ARHGAP36: variants seen among roughly 807,000 people sequenced by gnomAD.
ARHGAP36 encodes the protein Rho GTPase activating protein 36.
ARHGAP36 carries 7 observed loss-of-function variants against 32.9 expected under a neutral mutation model. The observed-to-expected ratio is 0.21, with a 90% CI of 0.12 to 0.40. The LOEUF is 0.40. Among genes scored for constraint, ARHGAP36 ranks in the 10% least tolerant of loss-of-function variants. ARHGAP36 has a pLI of 1.00. For synonymous variants in ARHGAP36, 165 were observed against 168.3 expected, an observed-to-expected ratio of 0.98 and a Z score of 0.15; for missense variants, 383 against 442.2, an observed-to-expected ratio of 0.87 and a Z score of 1.20.
rs369574521 is a variant in ARHGAP36, at chrX:131,083,862, C to G, written c.448C>G (p.Arg150Gly). 84 of 1,210,870 alleles carry G rather than the reference C, an allele frequency of 6.9e-5. No individual in the cohort carries two copies. Among genetic ancestry groups the G allele is most frequent in the Admixed American group, 1.7e-4 (8 of 45,938 alleles). ...EEATGQAAGR[R>G]RGNVVRRVFG... ...AGCCACCGGTCAGGCTGCGGGCCGT[C>G]GTCGGGGAAACGTGGTGCGAAGGGT... Residue 150 changes from arginine (R) to glycine (G), a missense_variant, in exon 4 of 12, where the codon CGT becomes GGT. Arg to Gly is a moderately radical substitution (Grantham distance 125). Coordinates refer to ENST00000276211, the MANE Select transcript of ARHGAP36 (RefSeq NM_144967.4).
intron 2 of ARHGAP36, among the ~76,000 whole-genome samples, chrX:131,082,379 G>T (rs1043462621): frequency 8.9e-6 from 1 of 112,837 alleles, no homozygotes; most frequent in African/African-American, 3.2e-5. Context: ...GGCGGTGAAC[G>T]GGAGGGCGGT....
chrX:131,078,697 C>T (rs1346157444), intron 1 of ARHGAP36: 1 of 926,873 alleles, frequency 1.1e-6, no homozygotes, highest in Admixed American at 3.2e-5. Flanking sequence ...GGACATTGGT[C>T]TTCCTAAATC....
At chrX:131,063,588 G>A (rs1603392330) in intron 1 of ARHGAP36, among the ~76,000 whole-genome samples, 2 of 111,273 alleles carry the variant, frequency 1.8e-5, no homozygotes, top group South Asian at 7.8e-4. Context: ...GGAGAGGGAG[G>A]AGTTGAAGGC....
At chrX:131,083,366 G>A in intron 3 of ARHGAP36, 136 bp downstream of exon 3, 1 of 647,650 alleles carries the variant, frequency 1.5e-6, no homozygotes, top group Non-Finnish European at 2.3e-6. Context: ...ACCCCACAGT[G>A]GGTGATATCA....
Position 131,078,122 on chromosome X carries a change from C to T in ARHGAP36, c.-142-3402C>T, listed in dbSNP as rs756540777. On this transcript the variant is annotated intron_variant, in intron 1 of 11. Transcript: ENST00000276211. ...TGAAACATGATTTTTTTTGTAAACT[C>T]CAGCCCTCTGCAAAGAACCTTCACT... 1.4e-4 allele frequency among the ~76,000 whole-genome samples: 16 copies of T among 110,454 alleles called. No homozygotes were observed. In the South Asian group the frequency reaches 2.7e-3, roughly 19 times the overall value.
At chrX:131,083,343 C>A in intron 3 of ARHGAP36, 113 bp downstream of exon 3, 1 of 744,140 alleles carries the variant, frequency 1.3e-6, no homozygotes, top group Non-Finnish European at 2.0e-6. Flanking sequence ...GGGACACTCT[C>A]CTCAGCTCCC....
intron 11 of ARHGAP36, among the ~76,000 whole-genome samples, chrX:131,087,913 T>C (rs73635972): frequency 0.01 from 1,163 of 111,699 alleles, 18 homozygotes; most frequent in African/African-American, 0.035. Context: ...ACCAAGCCAG[T>C]GCATTTGAAG....
chrX:131,069,582 T>G (rs1177865706), intron 1 of ARHGAP36, among the ~76,000 whole-genome samples: 1 of 111,758 alleles, frequency 8.9e-6, no homozygotes, highest in Non-Finnish European at 1.9e-5. Flanking sequence ...GATTAGAGTC[T>G]GGCAGGGGGG....
chrX:131,068,485 CAAG>C (rs1432260989), intron 1 of ARHGAP36, among the ~76,000 whole-genome samples: 4 of 112,000 alleles, frequency 3.6e-5, no homozygotes, highest in Non-Finnish European at 5.7e-5. Context: ...CCCAGGAAAA[CAAG>C]AAGGTCTAGG....
intron 1 of ARHGAP36, among the ~76,000 whole-genome samples, chrX:131,071,537 G>A (rs1053482019): frequency 9.0e-6 from 1 of 111,547 alleles, no homozygotes; most frequent in Non-Finnish European, 1.9e-5. Flanking sequence ...AGAGCCAGAC[G>A]CTCTCTCTCT....
At chrX:131,075,790 G>A (rs1237578726) in intron 1 of ARHGAP36, among the ~76,000 whole-genome samples, 1 of 111,132 alleles carries the variant, frequency 9.0e-6, no homozygotes, top group Non-Finnish European at 1.9e-5. Flanking sequence ...GTTCCAGGCA[G>A]CAGATGTTGG....
chrX:131,066,616 A>G (rs956720008), intron 1 of ARHGAP36, among the ~76,000 whole-genome samples: 1 of 112,189 alleles, frequency 8.9e-6, no homozygotes, highest in Non-Finnish European at 1.9e-5. Context: ...AGATTTGTAG[A>G]GAAATGATAA....
chrX:131,084,778 G>T (rs1414706604), intron 6 of ARHGAP36, 97 bp downstream of exon 6: 1 of 1,162,864 alleles, frequency 8.6e-7, no homozygotes, highest in African/African-American at 1.8e-5. Context: ...GGGGGGAGGA[G>T]CAGGGTCTTC....
chrX:131,069,974 C>T (rs1383690529), intron 1 of ARHGAP36, among the ~76,000 whole-genome samples: 3 of 112,305 alleles, frequency 2.7e-5, no homozygotes, highest in East Asian at 5.6e-4. Context: ...GCTATACAGG[C>T]GGCAAGAGAT....
Position 131,083,854 on chromosome X carries a change from C to A in ARHGAP36, c.440C>A (p.Ala147Glu), listed in dbSNP as rs747747908. Reference sequence around the variant, plus strand: ...GTTGAAGAAGCCACCGGTCAGGCTGCGGGCCGTCGTCGGGGAAACGTGGTG... The same window carrying A: ...GTTGAAGAAGCCACCGGTCAGGCTGAGGGCCGTCGTCGGGGAAACGTGGTG... ...MQVEEATGQA[A>E]GRRRGNVVRR... The change falls in exon 4 of 12, where the codon GCG (alanine) becomes GAG (glutamate). Residue 147 changes from alanine to glutamate, a missense_variant. Around this residue, in one of 2 missense-constraint regions of ARHGAP36, gnomAD observed 156 missense variants for 131.0 expected, o/e 1.19. Transcript: ENST00000276211. 8.2e-7 allele frequency: 1 copy of A among 1,212,229 alleles called. No individual in the cohort carries two copies. The highest frequency in any genetic ancestry group is 3.0e-5 in the East Asian group (1 of 33,842).
chrX:131,085,043 A>G lies in ARHGAP36; in HGVS notation c.934A>G (p.Met312Val). 8.3e-7 allele frequency: 1 copy of G among 1,210,100 alleles called. No individual in the cohort carries two copies. Among genetic ancestry groups the G allele is most frequent in the South Asian group, 1.8e-5 (1 of 56,599 alleles). The change falls in exon 7 of 12, where the codon ATG becomes GTG. Residue 312 changes from methionine to valine, a missense_variant. Physicochemically the swap from Met to Val is conservative, Grantham distance 21. Transcript: ENST00000276211. ...TTCTCTGCTGCCAGATGATCTGTAC[A>G]TGTCATTCCTCCTGACAGCAAGTGA... ...KDSLLPDDLY[M>V]SFLLTATLKP... is the part of the protein sequence containing the mutation.
rs1400736062 is a variant in ARHGAP36 at position 131,079,565 on chromosome X, T to G, written c.-142-1959T>G. ...TGTTTTTTGTTTTTTGTTTTTTGTT[T>G]TTTTTTTTTTGGACAGAAGGTAGCT... On this transcript the variant is annotated intron_variant, in intron 1 of 11. Coordinates refer to ENST00000276211, the MANE Select transcript of ARHGAP36 (RefSeq NM_144967.4). Among the ~76,000 whole-genome samples the G allele has an allele frequency of 8.4e-5, 9 of 107,514 alleles. No homozygotes were observed. The East Asian group carries it at 2.3e-3, about 27-fold the overall frequency. 93.4% of individuals were successfully genotyped at this position (107,514 alleles called of 115,157 possible).
intron 1 of ARHGAP36, among the ~76,000 whole-genome samples, chrX:131,076,566 A>G (rs2079763803): frequency 8.9e-6 from 1 of 112,684 alleles, no homozygotes; most frequent in Admixed American, 9.3e-5. Context: ...CTGCCGTCAG[A>G]TATGACCTAC....
chrX:131,089,761 A>G lies in ARHGAP36; in HGVS notation c.*976A>G, dbSNP rs185095492. 8.9e-6 allele frequency: 1 copy of G among 112,722 alleles called. No individual in the cohort carries two copies. Among genetic ancestry groups the G allele is most frequent in the East Asian group, 2.8e-4 (1 of 3,564 alleles). 9.3% of individuals were successfully genotyped at this position (112,722 alleles called of 1,213,427 possible). ...CTAAGGTCCATAAAATGAAGACTGT[A>G]TTGTATTGAGGGATAGAAATTGATC... On this transcript the variant is annotated 3_prime_UTR_variant, in exon 12 of 12. Transcript: ENST00000276211.
Sources: gnomAD v4.1 joint callset for allele counts (sites outside exome capture counted in the v4.1 genomes callset) on GRCh38, gnomAD v4.1.1 for gene constraint, gnomAD v4.1.1 regional missense constraint, MANE v1.5 for transcripts, NCBI Gene and HGNC (gene_info 2026-07-23, HGNC 2026-07-21) for gene names.